The following SLC1A2 variants were observed in gnomAD, a reference collection of about 807,000 sequenced individuals.
The protein encoded by SLC1A2 is solute carrier family 1 member 2, also known as excitatory amino acid transporter 2.
Under a neutral mutation model 48.8 loss-of-function variants are expected in SLC1A2, and 15 were observed. That is an observed-to-expected ratio of 0.31 (90% CI 0.21 to 0.47). The LOEUF (loss-of-function observed/expected upper bound fraction) is 0.47. SLC1A2 is among the 20% of genes least tolerant of loss of function. SLC1A2 has a pLI of 0.99. For missense variants in SLC1A2, 502 were observed against 730.5 expected, an observed-to-expected ratio of 0.69 and a Z score of 3.61; for synonymous variants, 279 against 272.6, an observed-to-expected ratio of 1.02 and a Z score of -0.23.
In SLC1A2 at chr11:35,307,042, A is replaced by AGATGGTCCTTCCAGTTGT. The variant is rs990474620; in HGVS notation, c.562-818_562-801dup. The AGATGGTCCTTCCAGTTGT allele has an allele frequency of 5.3e-3, 813 of 152,330 alleles. 12 individuals carry two copies. Among genetic ancestry groups the AGATGGTCCTTCCAGTTGT allele is most frequent in the African/African-American group, 0.018 (763 of 41,542 alleles). The allele number at this position is 152,330 out of a possible 1,614,324, so 9.4% of individuals were successfully genotyped here. A position where few individuals can be genotyped will look rare whatever the true frequency, so the allele number is the denominator to read the frequency against. On this transcript the variant is annotated intron_variant, in intron 4 of 10. Coordinates refer to ENST00000278379, the MANE Select transcript of SLC1A2 (RefSeq NM_004171.4). ...CTCTTCCCAATTGTGAGACCCAGTT[A>AGATGGTCCTTCCAGTTGT]GATGGTCCTTCCAGTTGTGATGGTC...
intron 1 of SLC1A2, among the ~76,000 whole-genome samples, chr11:35,379,804 A>G (rs1854364352): frequency 6.6e-6 from 1 of 152,146 alleles, no homozygotes; most frequent in Non-Finnish European, 1.5e-5. Flanking sequence ...TCTGAGAACA[A>G]CTTCTGGGCA....
chr11:35,291,609 T>G (rs1040382540), intron 7 of SLC1A2: 1 of 152,262 alleles, frequency 6.6e-6, no homozygotes, highest in Admixed American at 6.5e-5. Context: ...ATTTTTTGGT[T>G]TGTTTTTGTT....
chr11:35,311,202 G>A (rs889331894), intron 4 of SLC1A2, among the ~76,000 whole-genome samples: 21 of 151,640 alleles, frequency 1.4e-4, no homozygotes, highest in African/African-American at 4.4e-4. Context: ...ATGTCACTCC[G>A]TCTCCCAGGC....
chr11:35,333,419 GAA>G (rs59682870), intron 1 of SLC1A2, among the ~76,000 whole-genome samples: 4 of 132,928 alleles, frequency 3.0e-5, no homozygotes, highest in Non-Finnish European at 6.6e-5. Context: ...TCTGCCTCAG[GAA>G]AAAAAAAAAA....
At chr11:35,373,884 G>A (rs1467008028) in intron 1 of SLC1A2, among the ~76,000 whole-genome samples, 7 of 152,220 alleles carry the variant, frequency 4.6e-5, no homozygotes, top group Non-Finnish European at 1.5e-5. Flanking sequence ...ACTTTGCTAA[G>A]TACTCCATGC....
At chr11:35,374,353 G>A in intron 1 of SLC1A2, 1 of 873,530 alleles carries the variant, frequency 1.1e-6, no homozygotes, top group Non-Finnish European at 1.8e-6. Context: ...AATTTAAATA[G>A]CGATGTGTTG....
chr11:35,413,957 A>AC (rs2135304140), intron 1 of SLC1A2, among the ~76,000 whole-genome samples: 1 of 152,272 alleles, frequency 6.6e-6, no homozygotes, highest in South Asian at 2.1e-4. Flanking sequence ...TCCCTCCTTG[A>AC]CCCCAAACAT....
chr11:35,319,498 T>A (rs1355091917), intron 1 of SLC1A2, among the ~76,000 whole-genome samples: 1 of 152,226 alleles, frequency 6.6e-6, no homozygotes, highest in Non-Finnish European at 1.5e-5. Flanking sequence ...TTCTGCTTCA[T>A]TTGAATCCCT....
intron 5 of SLC1A2, among the ~76,000 whole-genome samples, chr11:35,304,538 C>T (rs1280083956): frequency 6.6e-6 from 1 of 152,172 alleles, no homozygotes; most frequent in Non-Finnish European, 1.5e-5. Context: ...CCTCTCACCT[C>T]CCACTGGTTG....
chr11:35,379,576 A>G (rs1265115695), intron 1 of SLC1A2, among the ~76,000 whole-genome samples: 8 of 152,238 alleles, frequency 5.3e-5, no homozygotes. Flanking sequence ...AGGACTCTCC[A>G]TGAGAATCAG....
chr11:35,399,977 A>G (rs1855087822), intron 1 of SLC1A2, among the ~76,000 whole-genome samples: 1 of 152,196 alleles, frequency 6.6e-6, no homozygotes, highest in African/African-American at 2.4e-5. Flanking sequence ...AGATTTTGCC[A>G]TGTAATGAGG....
intron 1 of SLC1A2, among the ~76,000 whole-genome samples, chr11:35,382,551 T>A (rs983178055): frequency 6.6e-6 from 1 of 152,240 alleles, no homozygotes; most frequent in South Asian, 2.1e-4. Flanking sequence ...ATCCCAGCAC[T>A]TTGGGAGGCC....
chr11:35,351,468 C>G (rs1303786230), intron 1 of SLC1A2, among the ~76,000 whole-genome samples: 1 of 152,206 alleles, frequency 6.6e-6, no homozygotes, highest in Non-Finnish European at 1.5e-5. Context: ...TCACCCCACT[C>G]AGCTCAGGCC....
At chr11:35,309,337 G>A (rs974636333) in intron 4 of SLC1A2, among the ~76,000 whole-genome samples, 4 of 152,152 alleles carry the variant, frequency 2.6e-5, no homozygotes, top group Non-Finnish European at 2.9e-5. Flanking sequence ...CTGGCAGCCC[G>A]TCCTGCTCAC....
intron 1 of SLC1A2, among the ~76,000 whole-genome samples, chr11:35,323,670 G>A (rs369056503): frequency 3.9e-5 from 6 of 152,242 alleles, no homozygotes; most frequent in Non-Finnish European, 7.4e-5. Context: ...CATTTCATTC[G>A]CCATGAGACA....
rs983435128 is a variant in SLC1A2 at position 35,284,398 on chromosome 11, G to A, written c.1286+2359C>T. ...TTAAATTATAGTTGTTCCTCTAGACGGCTGTGTGTGATCTATTCTCTGAGC... is the reference window on the plus strand; with the variant it reads ...TTAAATTATAGTTGTTCCTCTAGACAGCTGTGTGTGATCTATTCTCTGAGC... On this transcript the variant is annotated intron_variant, in intron 8 of 10. Coordinates refer to ENST00000278379, the MANE Select transcript of SLC1A2 (RefSeq NM_004171.4). Among the ~76,000 whole-genome samples the A allele has an allele frequency of 1.3e-4, 20 of 152,200 alleles. 1 individual carries two copies. Among genetic ancestry groups the A allele is most frequent in the African/African-American group, 3.4e-4 (14 of 41,514 alleles).
chr11:35,384,966 T>C (rs1936446966), intron 1 of SLC1A2, among the ~76,000 whole-genome samples: 1 of 152,204 alleles, frequency 6.6e-6, no homozygotes, highest in African/African-American at 2.4e-5. Context: ...ATGACACCAC[T>C]TGTAGAAAGG....
At chr11:35,291,727 T>G (rs1851014813) in intron 7 of SLC1A2, 1 of 155,538 alleles carries the variant, frequency 6.4e-6, no homozygotes, top group Non-Finnish European at 1.4e-5. Context: ...GGGAACTGAT[T>G]CTTCATCAAT....
intron 10 of SLC1A2, chr11:35,264,709 T>A (rs915669862): frequency 6.6e-6 from 1 of 152,232 alleles, no homozygotes; most frequent in Admixed American, 6.5e-5. Context: ...GAAGGATAGC[T>A]GTTCTTTACT....
Sources: gnomAD v4.1 joint callset for allele counts (sites outside exome capture counted in the v4.1 genomes callset) on GRCh38, gnomAD v4.1.1 for gene constraint, MANE v1.5 for transcripts, NCBI Gene and HGNC (gene_info 2026-07-23, HGNC 2026-07-21) for gene names.